The following LY86 variants were observed in gnomAD, a reference collection of about 807,000 sequenced individuals.
LY86 encodes lymphocyte antigen 86.
In LY86, 20 loss-of-function variants were observed where a neutral mutation model predicts 17.3. The ratio of observed to expected loss-of-function variants is 1.15; its 90% confidence interval spans 0.81 to 1.68. The LOEUF (loss-of-function observed/expected upper bound fraction) is 1.68. Among genes scored for constraint, LY86 ranks in the 40% most tolerant of loss-of-function variants. LY86 has a pLI of 0.00. For missense variants in LY86, 200 were observed against 191.9 expected, an observed-to-expected ratio of 1.04 and a Z score of -0.25; for synonymous variants, 74 against 70.6, an observed-to-expected ratio of 1.05 and a Z score of -0.24.
chr6:6,653,719 A>C (rs1762219926), intron 4 of LY86, among the ~76,000 whole-genome samples: 1 of 152,290 alleles, frequency 6.6e-6, no homozygotes, highest in African/African-American at 2.4e-5. Flanking sequence ...CTGAGCATAC[A>C]AACCTTTCTC....
intron 2 of LY86, among the ~76,000 whole-genome samples, chr6:6,625,759 T>C (rs894410894): frequency 1.3e-5 from 2 of 152,080 alleles, no homozygotes; most frequent in Non-Finnish European, 2.9e-5. Context: ...AGAAATGTTA[T>C]GGGGAGAGAA....
chr6:6,601,367 C>T (rs1360816852), intron 1 of LY86, among the ~76,000 whole-genome samples: 1 of 126,626 alleles, frequency 7.9e-6, no homozygotes. Flanking sequence ...ATGGAAATAT[C>T]TTCATGGAAA....
intron 1 of LY86, among the ~76,000 whole-genome samples, chr6:6,590,073 G>T (rs947912805): frequency 5.0e-5 from 7 of 139,100 alleles, no homozygotes; most frequent in African/African-American, 1.9e-4. Flanking sequence ...AGCCAAGATC[G>T]TGCCATTGTA....
chr6:6,620,258 G>A (rs1041962380), intron 1 of LY86, among the ~76,000 whole-genome samples: 3 of 152,166 alleles, frequency 2.0e-5, no homozygotes, highest in Non-Finnish European at 2.9e-5. Context: ...TCTTACCATG[G>A]GGGATGATGG....
intron 2 of LY86, among the ~76,000 whole-genome samples, chr6:6,625,945 A>G (rs146200623): frequency 1.3e-5 from 2 of 152,320 alleles, no homozygotes; most frequent in African/African-American, 2.4e-5. Flanking sequence ...CCCCACCGCC[A>G]TCATGGGGAA....
At chr6:6,610,542 T>TA (rs1739830160) in intron 1 of LY86, among the ~76,000 whole-genome samples, 1 of 150,994 alleles carries the variant, frequency 6.6e-6, no homozygotes, top group South Asian at 2.1e-4. Context: ...AACGGAAGCT[T>TA]AGGGGGGGGC....
intron 1 of LY86, among the ~76,000 whole-genome samples, chr6:6,606,504 G>A (rs891604859): frequency 1.3e-5 from 2 of 152,192 alleles, no homozygotes; most frequent in African/African-American, 4.8e-5. Context: ...CGATGGGACC[G>A]GGGCGCCGTG....
intron 3 of LY86, among the ~76,000 whole-genome samples, chr6:6,639,806 T>C (rs1480110843): frequency 6.6e-6 from 1 of 152,172 alleles, no homozygotes; most frequent in East Asian, 1.9e-4. Context: ...GATTATGATT[T>C]GGACCACTTT....
chr6:6,610,283 T>G (rs1173464125), intron 1 of LY86, among the ~76,000 whole-genome samples: 1 of 152,234 alleles, frequency 6.6e-6, no homozygotes, highest in Non-Finnish European at 1.5e-5. Context: ...GGCACCTCTG[T>G]ACTCTTTGTG....
chr6:6,608,384 TG>T (rs1322378695), intron 1 of LY86, among the ~76,000 whole-genome samples: 3 of 152,278 alleles, frequency 2.0e-5, no homozygotes, highest in African/African-American at 7.2e-5. Flanking sequence ...TTCATTTTCA[TG>T]GAGGTAGAGT....
intron 3 of LY86, among the ~76,000 whole-genome samples, chr6:6,638,078 C>T (rs554773079): frequency 6.6e-5 from 10 of 152,278 alleles, no homozygotes; most frequent in East Asian, 3.9e-4. Flanking sequence ...TGCTAGGCCC[C>T]GCTTCCTCAG....
At chr6:6,614,757 C>A (rs1247757981) in intron 1 of LY86, among the ~76,000 whole-genome samples, 2 of 150,128 alleles carry the variant, frequency 1.3e-5, no homozygotes, top group Non-Finnish European at 3.0e-5. Context: ...AAAAAAAATG[C>A]TTTTAGGGGC....
intron 4 of LY86, among the ~76,000 whole-genome samples, chr6:6,653,910 G>T (rs748428803): frequency 3.3e-5 from 5 of 152,150 alleles, no homozygotes; most frequent in Non-Finnish European, 7.4e-5. Context: ...CTGGATTCCT[G>T]CAATCGCCTC....
At chr6:6,593,694 A>G (rs1470708042) in intron 1 of LY86, among the ~76,000 whole-genome samples, 1 of 152,224 alleles carries the variant, frequency 6.6e-6, no homozygotes, top group Admixed American at 6.5e-5. Context: ...TTTCTGAAAT[A>G]AAATTAGTTT....
intron 1 of LY86, among the ~76,000 whole-genome samples, chr6:6,623,516 C>T (rs1481027259): frequency 1.3e-5 from 2 of 152,142 alleles, no homozygotes; most frequent in South Asian, 4.1e-4. Flanking sequence ...CCTTGACTGG[C>T]AGACAGTGAA....
At chr6:6,588,908 A>G (rs1760438172) in intron 1 of LY86, 38 bp downstream of exon 1, 1 of 1,603,622 alleles carries the variant, frequency 6.2e-7, no homozygotes, top group Non-Finnish European at 8.5e-7. Context: ...GTTTATGGGG[A>G]AAGCAAGGCC....
At chr6:6,594,869 A>C (rs898209698) in intron 1 of LY86, among the ~76,000 whole-genome samples, 1 of 152,206 alleles carries the variant, frequency 6.6e-6, no homozygotes, top group Non-Finnish European at 1.5e-5. Context: ...ACACACATTA[A>C]GCATTTTAAT....
At chr6:6,601,152 T>C (rs1410918443) in intron 1 of LY86, among the ~76,000 whole-genome samples, 1 of 151,912 alleles carries the variant, frequency 6.6e-6, no homozygotes, top group Admixed American at 6.6e-5. Flanking sequence ...ACAAAAACAA[T>C]GAACAGGAGA....
rs116894873 is a variant in LY86, at chr6:6,607,932, C to T, written c.137-16994C>T. ...TAAAAATAAAAAAATAAATCAGAAG[C>T]CCTAATAGATATAAATGGACTATAT... On this transcript the variant is annotated intron_variant, in intron 1 of 4. Coordinates refer to ENST00000230568, the MANE Select transcript of LY86 (RefSeq NM_004271.4). 2.6e-3 allele frequency among the ~76,000 whole-genome samples: 393 copies of T among 152,108 alleles called. 9 individuals carry two copies. In the East Asian group the frequency reaches 0.061, roughly 24 times the overall value.
Sources: gnomAD v4.1 joint callset for allele counts (sites outside exome capture counted in the v4.1 genomes callset) on GRCh38, gnomAD v4.1.1 for gene constraint, MANE v1.5 for transcripts, NCBI Gene and HGNC (gene_info 2026-07-23, HGNC 2026-07-21) for gene names.